The following SAP30BP variants were observed in gnomAD, a reference collection of about 807,000 sequenced individuals.
SAP30BP encodes SAP30-binding protein.
A neutral mutation model predicts 46.3 loss-of-function variants in SAP30BP; 31 were observed. The ratio of observed to expected loss-of-function variants is 0.67; its 90% CI spans 0.50 to 0.90. The LOEUF (loss-of-function observed/expected upper bound fraction) is 0.90, where lower values mean the gene tolerates loss of function less well. Ranked by LOEUF, SAP30BP falls within the 40% of genes least tolerant of loss-of-function variation. The pLI, the probability that SAP30BP is intolerant of heterozygous loss-of-function variation, is 0.00. For synonymous variants in SAP30BP, 169 were observed against 144.2 expected, an observed-to-expected ratio of 1.17 and a Z score of -1.23; for missense variants, 312 against 391.0, an observed-to-expected ratio of 0.80 and a Z score of 1.70.
chr17:75,681,834 G>T (rs1330686156), intron 3 of SAP30BP, among the ~76,000 whole-genome samples: 1 of 152,158 alleles, frequency 6.6e-6, no homozygotes, highest in African/African-American at 2.4e-5. Context: ...AAGCAGCAAA[G>T]GGTTGCATTC....
chr17:75,690,802 T>C (rs1042582652), intron 3 of SAP30BP: 6 of 455,838 alleles, frequency 1.3e-5, no homozygotes, highest in Non-Finnish European at 2.2e-5. Flanking sequence ...GATTCCCAGA[T>C]TGATTCTCCA....
At chr17:75,694,552 G>A (rs1299370751) in intron 4 of SAP30BP, among the ~76,000 whole-genome samples, 4 of 152,174 alleles carry the variant, frequency 2.6e-5, no homozygotes, top group African/African-American at 7.2e-5. Flanking sequence ...AGAAAGTGAC[G>A]CCTTAGGGGT....
intron 8 of SAP30BP, among the ~76,000 whole-genome samples, chr17:75,704,508 G>A (rs1416878547): frequency 6.6e-6 from 1 of 152,216 alleles, no homozygotes; most frequent in East Asian, 1.9e-4. Context: ...TCCCGTGTGT[G>A]GCAGTCCACA....
rs556637940 is a variant in SAP30BP at position 75,707,721 on chromosome 17, C to T, written c.*1200C>T. 6.6e-6 allele frequency: 1 copy of T among 152,440 alleles called. No homozygotes were observed. The highest frequency in any genetic ancestry group is 2.4e-5 in the African/African-American group (1 of 41,444). The allele number at this position is 152,440 out of a possible 1,614,324, so 9.4% of individuals were successfully genotyped here. ...AGGAGGTCAGTTCTCACCCCTTCCT[C>T]GATGGGGCTTTAAAGCTCTGGGGAG... On this transcript the variant is annotated 3_prime_UTR_variant, in exon 11 of 11. Transcript: ENST00000584667.
Position 75,706,314 on chromosome 17 carries a change from G to T in SAP30BP, c.746-26G>T. 6.2e-7 allele frequency: 1 copy of T among 1,607,140 alleles called. No individual in the cohort carries two copies. The highest frequency in any genetic ancestry group is 1.1e-5 in the South Asian group (1 of 90,976). On this transcript the variant is annotated intron_variant, in intron 10 of 10. Coordinates refer to ENST00000584667, the MANE Select transcript of SAP30BP (RefSeq NM_013260.8). This position sits in a 1 kb window ranked among gnomAD's most constrained non-coding sequence, Gnocchi z 4.6. Reference sequence around the variant, plus strand: ...AGGGCACCGCTCATTGGTGGATCGTGATCCTGATTTCTGCTTTATCTCCAG... The same window carrying T: ...AGGGCACCGCTCATTGGTGGATCGTTATCCTGATTTCTGCTTTATCTCCAG...
intron 9 of SAP30BP, chr17:75,705,151 C>A: frequency 3.2e-6 from 1 of 315,764 alleles, no homozygotes; most frequent in Non-Finnish European, 6.2e-6. Flanking sequence ...AGTGCCAGGC[C>A]CAGCTTGCGC....
At chr17:75,674,700 T>TG (rs1484375251) in intron 3 of SAP30BP, among the ~76,000 whole-genome samples, 1 of 47,942 alleles carries the variant, frequency 2.1e-5, no homozygotes, top group African/African-American at 6.3e-5. Flanking sequence ...GTTTTTTGTT[T>TG]TTTTTTTTTT....
rs1324270430 is a variant in SAP30BP at position 75,692,252 on chromosome 17, TC to T, written c.265-1186del. 14 of 985,492 alleles carry T rather than the reference TC, an allele frequency of 1.4e-5. No individual in the cohort carries two copies. In the Admixed American group the frequency reaches 2.5e-4, roughly 17 times the overall value. 61.0% of individuals were successfully genotyped at this position (985,492 alleles called of 1,614,324 possible). On this transcript the variant is annotated intron_variant, in intron 3 of 10. Transcript: ENST00000584667. ...TTCAGTGTGGGGAACTGGGTGGCCT[TC>T]CTGGCACCTTCCTTTTGGAGCCGTG... is the stretch of plus-strand genomic sequence containing the variant.
intron 3 of SAP30BP, among the ~76,000 whole-genome samples, chr17:75,674,081 C>T (rs1394286415): frequency 6.6e-6 from 1 of 152,064 alleles, no homozygotes; most frequent in Non-Finnish European, 1.5e-5. Context: ...CTTCAATGTT[C>T]TGCAATCCCC....
intron 3 of SAP30BP, among the ~76,000 whole-genome samples, chr17:75,678,991 G>GTTT (rs1008252984): frequency 2.5e-4 from 33 of 134,442 alleles, no homozygotes; most frequent in Non-Finnish European, 2.9e-4. Flanking sequence ...TTTCAGGCAA[G>GTTT]TTTTTTTTTT....
At chr17:75,693,346 T>G (rs755840353) in intron 3 of SAP30BP, 94 bp from the exon 4 acceptor site, 1 of 1,097,126 alleles carries the variant, frequency 9.1e-7, no homozygotes, top group Non-Finnish European at 1.4e-6. Context: ...CTTTTACTTT[T>G]TCTCCTTCCT....
At chr17:75,682,702 G>A (rs933776834) in intron 3 of SAP30BP, among the ~76,000 whole-genome samples, 6 of 152,084 alleles carry the variant, frequency 3.9e-5, no homozygotes, top group East Asian at 2.0e-4. Flanking sequence ...AGTGGCTCAT[G>A]CCTGTAATCC....
chr17:75,694,060 C>T (rs1454303476), intron 4 of SAP30BP, among the ~76,000 whole-genome samples: 6 of 152,166 alleles, frequency 3.9e-5, no homozygotes, highest in Admixed American at 2.0e-4. Flanking sequence ...ACGTGGCTCC[C>T]AAAGCCCGAC....
At chr17:75,673,758 G>A (rs926061678) in intron 3 of SAP30BP, among the ~76,000 whole-genome samples, 57 of 152,184 alleles carry the variant, frequency 3.7e-4, no homozygotes, top group Admixed American at 3.7e-3. Flanking sequence ...AAAGAGCGGG[G>A]TGGGAGGGAC....
chr17:75,678,377 G>A (rs143036155), intron 3 of SAP30BP, among the ~76,000 whole-genome samples: 119 of 151,906 alleles, frequency 7.8e-4, no homozygotes, highest in African/African-American at 2.7e-3. Context: ...AATGTAAATG[G>A]CTGTGTAACT....
In SAP30BP at chr17:75,706,608, C is replaced by G; in HGVS notation, c.*87C>G. 1 of 1,244,084 alleles carries G rather than the reference C, an allele frequency of 8.0e-7. No homozygotes were observed. 77.1% of individuals were successfully genotyped at this position (1,244,084 alleles called of 1,614,324 possible). On this transcript the variant is annotated 3_prime_UTR_variant, in exon 11 of 11. Coordinates refer to ENST00000584667, the MANE Select transcript of SAP30BP (RefSeq NM_013260.8). The surrounding 1 kb of genome is among the most constrained non-coding windows in gnomAD (Gnocchi z 4.6). ...AGGCGCCACTTTGTATATTTCAGGA[C>G]TGGGACCTACTCCCCAGATGCCACC...
chr17:75,695,991 T>A (rs748401479), intron 4 of SAP30BP, among the ~76,000 whole-genome samples: 4 of 152,118 alleles, frequency 2.6e-5, no homozygotes, highest in Non-Finnish European at 5.9e-5. Context: ...CTCCCTGCCA[T>A]CCCATAAGCC....
intron 4 of SAP30BP, among the ~76,000 whole-genome samples, chr17:75,699,505 TAAA>T (rs56285842): frequency 7.5e-6 from 1 of 134,066 alleles, no homozygotes; most frequent in Non-Finnish European, 1.6e-5. Flanking sequence ...CCCGTCTCTT[TAAA>T]AAAAAAAAAA....
chr17:75,679,375 T>A (rs994223133), intron 3 of SAP30BP: 1 of 152,104 alleles, frequency 6.6e-6, no homozygotes. Flanking sequence ...TCCAGGGAGT[T>A]CCCTGGGAAC....
Sources: gnomAD v4.1 joint callset for allele counts (sites outside exome capture counted in the v4.1 genomes callset) on GRCh38, gnomAD v4.1.1 for gene constraint, Gnocchi (gnomAD v3.1) non-coding constraint, MANE v1.5 for transcripts, NCBI Gene and HGNC (gene_info 2026-07-23, HGNC 2026-07-21) for gene names.